The following TTC39B variants were observed in gnomAD, a reference collection of about 807,000 sequenced individuals.
TTC39B encodes the protein tetratricopeptide repeat protein 39B.
Under a neutral mutation model 96.6 loss-of-function variants are expected in TTC39B, and 92 were observed. The observed-to-expected ratio is 0.95, with a 90% CI of 0.80 to 1.13. The LOEUF (loss-of-function observed/expected upper bound fraction) is 1.13, where lower values mean the gene tolerates loss of function less well. TTC39B is among the 50% of genes most tolerant of loss of function. TTC39B has a pLI of 0.00. For missense variants in TTC39B, 955 were observed against 809.3 expected (o/e 1.18, Z -2.18); for synonymous variants, 367 against 299.4 (o/e 1.23, Z -2.33).
chr9:15,252,620 C>T (rs954901201), intron 2 of TTC39B, among the ~76,000 whole-genome samples: 8 of 151,410 alleles, frequency 5.3e-5, no homozygotes, highest in South Asian at 2.1e-4. Flanking sequence ...GGCACTCCAG[C>T]GTGGGCAACA....
chr9:15,183,872 C>T (rs1407855560), intron 16 of TTC39B, among the ~76,000 whole-genome samples: 1 of 152,132 alleles, frequency 6.6e-6, no homozygotes, highest in Non-Finnish European at 1.5e-5. Context: ...TTTTGTCTTG[C>T]TCCGTCACAG....
chr9:15,248,081 C>T (rs549661833), intron 2 of TTC39B, among the ~76,000 whole-genome samples: 2 of 152,122 alleles, frequency 1.3e-5, no homozygotes, highest in African/African-American at 2.4e-5. Context: ...TTTTTAAAAG[C>T]CAAAAACAGA....
intron 2 of TTC39B, among the ~76,000 whole-genome samples, chr9:15,237,414 A>T (rs1821835455): frequency 6.6e-6 from 1 of 152,148 alleles, no homozygotes; most frequent in Non-Finnish European, 1.5e-5. Context: ...AAAAGAGAAG[A>T]TTCAAATAAG....
At position 15,217,597 on chromosome 9, in the gene TTC39B, C is replaced by T. The variant is rs534724493; in HGVS notation, c.372-3348G>A. 5.3e-5 allele frequency among the ~76,000 whole-genome samples: 8 copies of T among 152,246 alleles called. No homozygotes were observed. In the South Asian group the frequency reaches 6.2e-4, roughly 12 times the overall value. On this transcript the variant is annotated intron_variant, in intron 3 of 19. Transcript: ENST00000512701. ...GCCAAGACTTCTGTCAAGTATCTCTCGGACACACGTGTTCCTCTTCATTTC... is the reference window on the plus strand; with the variant it reads ...GCCAAGACTTCTGTCAAGTATCTCTTGGACACACGTGTTCCTCTTCATTTC...
At chr9:15,213,195 A>G (rs1011810763) in intron 4 of TTC39B, among the ~76,000 whole-genome samples, 12 of 152,264 alleles carry the variant, frequency 7.9e-5, no homozygotes, top group African/African-American at 2.9e-4. Flanking sequence ...CAAGCAGACA[A>G]AAGGAGGTAG....
intron 1 of TTC39B, among the ~76,000 whole-genome samples, chr9:15,271,346 G>T (rs1344859010): frequency 1.3e-5 from 2 of 152,192 alleles, no homozygotes; most frequent in Admixed American, 6.5e-5. Context: ...CTACCTCAAA[G>T]ATTATGATTT....
intron 17 of TTC39B, among the ~76,000 whole-genome samples, chr9:15,178,903 C>CATT (rs1818101516): frequency 6.6e-6 from 1 of 152,164 alleles, no homozygotes; most frequent in African/African-American, 2.4e-5. Flanking sequence ...CTCTCCAGAT[C>CATT]ATTATGTTTA....
rs368628541 is a variant in TTC39B at position 15,179,601 on chromosome 9, G to T, written c.1724-1787C>A. Among the ~76,000 whole-genome samples the T allele has an allele frequency of 3.9e-5, 6 of 152,124 alleles. No individual in the cohort carries two copies. In the East Asian group the frequency reaches 7.7e-4, roughly 20 times the overall value. On this transcript the variant is annotated intron_variant, in intron 17 of 19. Coordinates refer to ENST00000512701, the Ensembl canonical transcript of TTC39B. ...AATTCTATCCATTGCTTTTAATCAC[G>T]GATGTTAAAACAGACATTCAAGAAG...
intron 1 of TTC39B, among the ~76,000 whole-genome samples, chr9:15,279,573 G>A (rs1332457427): frequency 2.0e-5 from 3 of 152,186 alleles, no homozygotes; most frequent in Non-Finnish European, 4.4e-5. Flanking sequence ...GCTGTCCATA[G>A]ATTAATGTCA....
At chr9:15,296,192 C>G (rs1824369296) in intron 1 of TTC39B, among the ~76,000 whole-genome samples, 1 of 152,190 alleles carries the variant, frequency 6.6e-6, no homozygotes, top group Non-Finnish European at 1.5e-5. Context: ...CCCACACGAG[C>G]ACCGTGGCTC....
intron 2 of TTC39B, among the ~76,000 whole-genome samples, chr9:15,242,984 T>G (rs1487988182): frequency 6.6e-6 from 1 of 152,184 alleles, no homozygotes; most frequent in Non-Finnish European, 1.5e-5. Context: ...CAGTGGAGAA[T>G]GCCAAGCCCT....
At chr9:15,204,789 A>T (rs1819751315) in intron 6 of TTC39B, among the ~76,000 whole-genome samples, 1 of 152,138 alleles carries the variant, frequency 6.6e-6, no homozygotes, top group African/African-American at 2.4e-5. Flanking sequence ...GGCTAATTTG[A>T]TCATGTAGAT....
intron 8 of TTC39B, among the ~76,000 whole-genome samples, chr9:15,197,115 G>A (rs950402030): frequency 6.6e-5 from 10 of 152,144 alleles, no homozygotes; most frequent in Middle Eastern, 3.2e-3. Context: ...CAGTATCAAC[G>A]TAACTTTTAT....
chr9:15,166,869 T>A (rs1421642197), exon 20 of TTC39B: 1 of 149,722 alleles, frequency 6.7e-6, no homozygotes, highest in Non-Finnish European at 1.5e-5. Flanking sequence ...TGAAGAAATA[T>A]CTGAAGAGAT....
intron 3 of TTC39B, among the ~76,000 whole-genome samples, chr9:15,220,669 T>A (rs765793734): frequency 1.3e-5 from 2 of 152,156 alleles, no homozygotes; most frequent in Non-Finnish European, 2.9e-5. Context: ...GCAGAGTTTT[T>A]TTTTTCTTTT....
chr9:15,255,674 C>T (rs1034331562), intron 2 of TTC39B, among the ~76,000 whole-genome samples: 2 of 152,110 alleles, frequency 1.3e-5, no homozygotes, highest in African/African-American at 4.8e-5. Context: ...TTCTGACACT[C>T]ATTTATGCAA....
intron 18 of TTC39B, among the ~76,000 whole-genome samples, chr9:15,176,015 A>G (rs1171545900): frequency 6.6e-6 from 1 of 152,244 alleles, no homozygotes; most frequent in Non-Finnish European, 1.5e-5. Flanking sequence ...TTAGGAAATC[A>G]ATAACCAATA....
intron 14 of TTC39B, among the ~76,000 whole-genome samples, 181 bp from the exon 15 acceptor site, chr9:15,187,216 AT>A (rs1267709363): frequency 6.6e-6 from 1 of 152,216 alleles, no homozygotes; most frequent in African/African-American, 2.4e-5. Context: ...ATTACCCATA[AT>A]TTAAACCATT....
intron 2 of TTC39B, among the ~76,000 whole-genome samples, chr9:15,258,476 G>C (rs1822833382): frequency 6.6e-6 from 1 of 152,198 alleles, no homozygotes; most frequent in Admixed American, 6.5e-5. Context: ...AAACATCCTA[G>C]TGAGTGATAA....
Sources: allele counts gnomAD v4.1 joint callset (sites outside exome capture counted in the v4.1 genomes callset), GRCh38; gene constraint gnomAD v4.1.1; transcripts MANE v1.5; gene names NCBI Gene and HGNC (gene_info 2026-07-23, HGNC 2026-07-21).